The following TTC27 variants were observed in gnomAD, a reference collection of about 807,000 sequenced individuals.
TTC27 encodes the protein tetratricopeptide repeat domain 27, also known as tetratricopeptide repeat protein 27.
In TTC27, 79 loss-of-function variants were observed where a neutral mutation model predicts 115.9. That is an observed-to-expected ratio of 0.68 (90% CI 0.57 to 0.82). The LOEUF is 0.82. Among genes scored for constraint, TTC27 ranks in the 40% least tolerant of loss-of-function variants. The pLI, the probability that TTC27 is intolerant of heterozygous loss-of-function variation, is 0.00. For synonymous variants in TTC27, 401 were observed against 356.0 expected, an observed-to-expected ratio of 1.13 and a Z score of -1.42; for missense variants, 1,054 against 993.1, an observed-to-expected ratio of 1.06 and a Z score of -0.82.
At chr2:32,631,901 C>A (rs1664231354) in intron 2 of TTC27, among the ~76,000 whole-genome samples, 1 of 151,526 alleles carries the variant, frequency 6.6e-6, no homozygotes, top group South Asian at 2.1e-4. Flanking sequence ...ACCTCCGCCT[C>A]CCAAGTTCAA....
intron 9 of TTC27, among the ~76,000 whole-genome samples, chr2:32,684,188 T>C (rs1057336774): frequency 7.2e-5 from 11 of 152,106 alleles, no homozygotes; most frequent in South Asian, 4.1e-4. Context: ...GGTTTTTTGT[T>C]CTTGCGATAG....
At chr2:32,671,829 G>A (rs1365021630) in intron 7 of TTC27, among the ~76,000 whole-genome samples, 2 of 152,190 alleles carry the variant, frequency 1.3e-5, no homozygotes, top group Non-Finnish European at 2.9e-5. Context: ...TTTAGAGGCA[G>A]AATAGAAAGA....
Position 32,708,038 on chromosome 2 carries a change from A to G in TTC27, c.1233+5118A>G, listed in dbSNP as rs78778040. ...AAGAGAACCCAGTGGTCAAAGCTAG[A>G]ACAATTTGAGCAGCAAATTAAATAG... is the stretch of plus-strand genomic sequence containing the variant. On this transcript the variant is annotated intron_variant, in intron 10 of 19. Transcript: ENST00000317907. 2.9e-3 allele frequency among the ~76,000 whole-genome samples: 437 copies of G among 152,258 alleles called. 6 individuals are homozygous for G. Among genetic ancestry groups the G allele is most frequent in the African/African-American group, 9.9e-3 (410 of 41,538 alleles).
intron 12 of TTC27, 93 bp from the exon 13 acceptor site, chr2:32,758,199 T>G: frequency 8.8e-7 from 1 of 1,139,442 alleles, no homozygotes; most frequent in Non-Finnish European, 1.3e-6. Context: ...AAATAAAAAT[T>G]TGGATTGTGT....
intron 12 of TTC27, 82 bp downstream of exon 12, chr2:32,736,898 A>T: frequency 6.7e-7 from 1 of 1,498,916 alleles, no homozygotes; most frequent in East Asian, 2.5e-5. Flanking sequence ...TTTCAAACCC[A>T]CTTTTGCCAA....
intron 16 of TTC27, among the ~76,000 whole-genome samples, chr2:32,800,149 C>T (rs75885603): frequency 4.6e-5 from 7 of 152,118 alleles, no homozygotes; most frequent in African/African-American, 1.2e-4. Context: ...ATGTAAAGGG[C>T]GGGGAACAGT....
chr2:32,759,815 G>A (rs1162067931), intron 13 of TTC27, among the ~76,000 whole-genome samples: 1 of 152,052 alleles, frequency 6.6e-6, no homozygotes, highest in African/African-American at 2.4e-5. Flanking sequence ...ATTTTTACTA[G>A]GTAACTTGTA....
At chr2:32,708,457 G>A (rs1202627834) in intron 10 of TTC27, among the ~76,000 whole-genome samples, 5 of 151,068 alleles carry the variant, frequency 3.3e-5, no homozygotes, top group Admixed American at 6.6e-5. Context: ...GACTACAGGC[G>A]TGTGCCACCA....
intron 5 of TTC27, among the ~76,000 whole-genome samples, chr2:32,664,036 A>G (rs1665666132): frequency 6.6e-6 from 1 of 151,962 alleles, no homozygotes; most frequent in African/African-American, 2.4e-5. Flanking sequence ...GAGAAAGAGC[A>G]AGGTTATGAA....
intron 10 of TTC27, among the ~76,000 whole-genome samples, chr2:32,720,881 T>C (rs1186923607): frequency 6.6e-6 from 1 of 152,242 alleles, no homozygotes; most frequent in Admixed American, 6.5e-5. Flanking sequence ...TGTGCTCTAT[T>C]GTATTTTCGC....
chr2:32,723,318 G>T (rs1346031435), intron 10 of TTC27, among the ~76,000 whole-genome samples: 1 of 152,054 alleles, frequency 6.6e-6, no homozygotes, highest in African/African-American at 2.4e-5. Flanking sequence ...CTGAACATAT[G>T]TACCAGCTCT....
chr2:32,771,506 G>A (rs1219753517), intron 13 of TTC27, among the ~76,000 whole-genome samples: 1 of 152,176 alleles, frequency 6.6e-6, no homozygotes, highest in Non-Finnish European at 1.5e-5. Flanking sequence ...ATTAAGAGAA[G>A]GGCATTCAGT....
chr2:32,660,213 T>C (rs1329867546), intron 5 of TTC27, among the ~76,000 whole-genome samples: 1 of 152,226 alleles, frequency 6.6e-6, no homozygotes, highest in East Asian at 1.9e-4. Flanking sequence ...CCATTCTAAC[T>C]GGCATGAGAT....
chr2:32,814,716 G>A (rs557144043), intron 18 of TTC27, among the ~76,000 whole-genome samples: 6 of 152,192 alleles, frequency 3.9e-5, no homozygotes, highest in African/African-American at 1.4e-4. Flanking sequence ...TGTTCTGATT[G>A]CCTGCAGTGT....
At chr2:32,753,465 TCTCTC>T (rs1669089505) in intron 12 of TTC27, among the ~76,000 whole-genome samples, 1 of 106,904 alleles carries the variant, frequency 9.4e-6, no homozygotes, top group Non-Finnish European at 1.7e-5. Flanking sequence ...GGAGACAGAG[TCTCTC>T]TCTGTCACCC....
intron 3 of TTC27, among the ~76,000 whole-genome samples, chr2:32,635,492 C>T (rs1321770228): frequency 2.6e-5 from 4 of 151,988 alleles, no homozygotes; most frequent in Non-Finnish European, 5.9e-5. Context: ...CAAGACCAGC[C>T]TGATCAACAT....
intron 11 of TTC27, among the ~76,000 whole-genome samples, 177 bp downstream of exon 11, chr2:32,734,100 T>C (rs1274806043): frequency 6.6e-6 from 1 of 152,240 alleles, no homozygotes; most frequent in Non-Finnish European, 1.5e-5. Flanking sequence ...TAAAGTGATA[T>C]TAGACTCATA....
At chr2:32,701,555 A>G (rs765603851) in intron 9 of TTC27, among the ~76,000 whole-genome samples, 3 of 152,114 alleles carry the variant, frequency 2.0e-5, no homozygotes, top group Non-Finnish European at 4.4e-5. Flanking sequence ...GGGTTGGTCT[A>G]TATTAGAGTT....
At chr2:32,701,642 T>C (rs1176455287) in intron 9 of TTC27, among the ~76,000 whole-genome samples, 1 of 152,182 alleles carries the variant, frequency 6.6e-6, no homozygotes, top group Non-Finnish European at 1.5e-5. Context: ...TGAAATGAAC[T>C]GTAAGGAGTC....
Sources: allele counts gnomAD v4.1 joint callset (sites outside exome capture counted in the v4.1 genomes callset), GRCh38; gene constraint gnomAD v4.1.1; transcripts MANE v1.5; gene names NCBI Gene and HGNC (gene_info 2026-07-23, HGNC 2026-07-21).